Variants in SLC24A2 observed in about 807,000 individuals in gnomAD.
SLC24A2 encodes sodium/potassium/calcium exchanger 2.
Under a neutral mutation model 62.0 loss-of-function variants are expected in SLC24A2, and 36 were observed. The ratio of observed to expected loss-of-function variants is 0.58; its 90% CI spans 0.44 to 0.77. The LOEUF (loss-of-function observed/expected upper bound fraction) is 0.77. Among genes scored for constraint, SLC24A2 ranks in the 30% least tolerant of loss-of-function variants. SLC24A2 has a pLI of 0.00. For missense variants in SLC24A2, 846 were observed against 817.9 expected, an observed-to-expected ratio of 1.03 and a Z score of -0.42; for synonymous variants, 358 against 294.0, an observed-to-expected ratio of 1.22 and a Z score of -2.23.
the SLC24A2 span, among the ~76,000 whole-genome samples, chr9:19,943,650 G>A: frequency 6.6e-6 from 1 of 152,154 alleles, no homozygotes; most frequent in Admixed American, 6.5e-5. Context: ...TGCAGCTAAT[G>A]TTCTGCTAAT....
the SLC24A2 span, among the ~76,000 whole-genome samples, chr9:20,014,502 A>ATATG: frequency 6.7e-6 from 1 of 149,134 alleles, no homozygotes; most frequent in Non-Finnish European, 1.5e-5. Flanking sequence ...TGTGATATAT[A>ATATG]TATATATATA....
At chr9:19,636,315 T>TTTC (rs1554690361) in intron 2 of SLC24A2, among the ~76,000 whole-genome samples, 2,352 of 40,240 alleles carry the variant, frequency 0.058, 300 homozygotes, top group East Asian at 0.1. Context: ...TTTTCTTTTC[T>TTTC]TTTCTTTCTT....
chr9:20,087,415 C>T, the SLC24A2 span, among the ~76,000 whole-genome samples: 1 of 152,182 alleles, frequency 6.6e-6, no homozygotes, highest in Non-Finnish European at 1.5e-5. Flanking sequence ...CACTTGATCT[C>T]TGGGGCTCAT....
At chr9:20,224,308 C>A in the SLC24A2 span, among the ~76,000 whole-genome samples, 1 of 151,382 alleles carries the variant, frequency 6.6e-6, no homozygotes, top group African/African-American at 2.4e-5. Flanking sequence ...TATCTAGTTG[C>A]GAAAAGGAAA....
At chr9:20,009,049 T>C in the SLC24A2 span, among the ~76,000 whole-genome samples, 1 of 152,164 alleles carries the variant, frequency 6.6e-6, no homozygotes, top group Non-Finnish European at 1.5e-5. Context: ...TCATTGAGCA[T>C]ACTCCTCCTT....
chr9:20,027,857 A>G, the SLC24A2 span, among the ~76,000 whole-genome samples: 1 of 152,234 alleles, frequency 6.6e-6, no homozygotes, highest in Non-Finnish European at 1.5e-5. Flanking sequence ...CCACTACTCA[A>G]TGTATATATA....
the SLC24A2 span, among the ~76,000 whole-genome samples, chr9:19,961,600 C>T: frequency 6.6e-6 from 1 of 152,200 alleles, no homozygotes; most frequent in Non-Finnish European, 1.5e-5. Flanking sequence ...CTAAGATGCC[C>T]CCAATACTTC....
the SLC24A2 span, among the ~76,000 whole-genome samples, chr9:19,847,652 G>A: frequency 6.6e-5 from 10 of 152,144 alleles, no homozygotes; most frequent in Admixed American, 2.6e-4. Flanking sequence ...AGCTTACACA[G>A]AACGCAAGCA....
At chr9:20,211,300 G>C in the SLC24A2 span, among the ~76,000 whole-genome samples, 1 of 152,130 alleles carries the variant, frequency 6.6e-6, no homozygotes, top group African/African-American at 2.4e-5. Flanking sequence ...ATCACCTGAG[G>C]TCAGGAGTTC....
chr9:20,201,926 GAAGAGT>G, the SLC24A2 span, among the ~76,000 whole-genome samples: 1 of 152,052 alleles, frequency 6.6e-6, no homozygotes, highest in Non-Finnish European at 1.5e-5. Context: ...CAGTTGACTG[GAAGAGT>G]AAGAAAAATA....
intron 2 of SLC24A2, among the ~76,000 whole-genome samples, chr9:19,712,931 C>T (rs554163511): frequency 6.6e-6 from 1 of 152,138 alleles, no homozygotes; most frequent in East Asian, 1.9e-4. Flanking sequence ...ACCAAATGTC[C>T]CTGGAGAGGC....
At chr9:19,842,606 T>C in the SLC24A2 span, among the ~76,000 whole-genome samples, 1 of 152,226 alleles carries the variant, frequency 6.6e-6, no homozygotes, top group Admixed American at 6.5e-5. Flanking sequence ...CTTTGAGCTA[T>C]ACTGGTTTAG....
chr9:19,563,056 T>G (rs1310998401), intron 7 of SLC24A2, among the ~76,000 whole-genome samples: 1 of 152,178 alleles, frequency 6.6e-6, no homozygotes. Context: ...CAGTGAGCCA[T>G]GACTGCACCA....
the SLC24A2 span, among the ~76,000 whole-genome samples, chr9:20,099,346 GCA>G: frequency 2.6e-5 from 4 of 152,132 alleles, no homozygotes; most frequent in African/African-American, 9.7e-5. Context: ...CTGGAAAAGG[GCA>G]CTTACCTTTA....
chr9:19,548,742 C>G (rs1472168163), intron 8 of SLC24A2, among the ~76,000 whole-genome samples: 1 of 152,262 alleles, frequency 6.6e-6, no homozygotes, highest in African/African-American at 2.4e-5. Flanking sequence ...CTGTGCAGTC[C>G]CCCTTTGAGA....
At chr9:19,987,494 T>A in the SLC24A2 span, among the ~76,000 whole-genome samples, 4 of 152,118 alleles carry the variant, frequency 2.6e-5, no homozygotes, top group Non-Finnish European at 4.4e-5. Context: ...ATATAGCAAA[T>A]CTATTCCAGA....
At chr9:19,766,093 T>C (rs1316318402) in intron 2 of SLC24A2, among the ~76,000 whole-genome samples, 3 of 152,214 alleles carry the variant, frequency 2.0e-5, no homozygotes, top group South Asian at 2.1e-4. Flanking sequence ...AGTTCGGCTA[T>C]TGATACTTGA....
At chr9:20,044,030 C>T in the SLC24A2 span, among the ~76,000 whole-genome samples, 4 of 152,184 alleles carry the variant, frequency 2.6e-5, no homozygotes, top group African/African-American at 9.7e-5. Context: ...GCAACCACTA[C>T]CCTGGTCAGC....
chr9:20,159,852 A>G, the SLC24A2 span, among the ~76,000 whole-genome samples: 2 of 151,720 alleles, frequency 1.3e-5, no homozygotes, highest in East Asian at 3.9e-4. Context: ...AGTTTAAAAT[A>G]TACAAAGAAG....
Sources: gnomAD v4.1 joint callset for allele counts (sites outside exome capture counted in the v4.1 genomes callset) on GRCh38, gnomAD v4.1.1 for gene constraint, MANE v1.5 for transcripts, NCBI Gene and HGNC (gene_info 2026-07-23, HGNC 2026-07-21) for gene names.